MRAP2: variants seen among roughly 807,000 people sequenced by gnomAD.
The protein encoded by MRAP2 is melanocortin 2 receptor accessory protein 2, also known as melanocortin-2 receptor accessory protein 2.
A neutral mutation model predicts 17.4 loss-of-function variants in MRAP2; 20 were observed. That is an observed-to-expected ratio of 1.15 (90% CI 0.81 to 1.67). MRAP2 has a LOEUF of 1.67. Ranked by LOEUF, MRAP2 falls within the 40% of genes most tolerant of loss-of-function variation. MRAP2 has a pLI of 0.00. For synonymous variants in MRAP2, 96 were observed against 88.4 expected (o/e 1.09, Z -0.48); for missense variants, 238 against 240.0 (o/e 0.99, Z 0.05).
At position 84,090,182 on chromosome 6, in the gene MRAP2, A is replaced by G. The variant is rs1266782381; in HGVS notation, c.*701A>G. The G allele has an allele frequency of 2.0e-5, 3 of 152,350 alleles. No homozygotes were observed. Among genetic ancestry groups the G allele is most frequent in the Non-Finnish European group, 2.9e-5 (2 of 68,164 alleles). 9.4% of individuals were successfully genotyped at this position (152,350 alleles called of 1,614,324 possible). ...CTTTGCCTTCAGATGAGGCTGAGCT[A>G]TACATAAAACAGTATAAACTAGGGT... On this transcript the variant is annotated 3_prime_UTR_variant, in exon 4 of 4. Transcript: ENST00000257776.
chr6:84,114,411 G>A, the MRAP2 span, among the ~76,000 whole-genome samples: 2 of 152,104 alleles, frequency 1.3e-5, no homozygotes, highest in East Asian at 1.9e-4. Flanking sequence ...TTCTCATGTT[G>A]TGTTTTTCAG....
In MRAP2 at chr6:84,047,317, A is replaced by G. The variant is rs191204689; in HGVS notation, c.-7-7995A>G. Among the ~76,000 whole-genome samples, 17 of 152,038 alleles carry G rather than the reference A, an allele frequency of 1.1e-4. No individual in the cohort carries two copies. The East Asian group carries it at 2.3e-3, about 21-fold the overall frequency. On this transcript the variant is annotated intron_variant, in intron 1 of 3. Coordinates refer to ENST00000257776, the MANE Select transcript of MRAP2 (RefSeq NM_138409.4). ...GCAATTCTTGTGCCTCAGCCTTTCA[A>G]GTAGCTAGGATTACAGGCATGCACC...
At chr6:84,048,708 G>C (rs536335236) in intron 1 of MRAP2, among the ~76,000 whole-genome samples, 1 of 152,248 alleles carries the variant, frequency 6.6e-6, no homozygotes, top group Admixed American at 6.5e-5. Flanking sequence ...CTGTTTTGTC[G>C]TATTATTATA....
At chr6:84,088,978 C>A in intron 3 of MRAP2, 113 bp from the exon 4 acceptor site, 1 of 1,193,910 alleles carries the variant, frequency 8.4e-7, no homozygotes, top group Non-Finnish European at 1.2e-6. Flanking sequence ...GGGGCTTACA[C>A]TCAATAGGTG....
At chr6:84,080,911 G>A (rs188187002) in intron 3 of MRAP2, among the ~76,000 whole-genome samples, 34 of 152,232 alleles carry the variant, frequency 2.2e-4, no homozygotes, top group African/African-American at 6.5e-4. Context: ...TTCTTATTTT[G>A]TATATATGGG....
chr6:84,128,489 C>T, the MRAP2 span, among the ~76,000 whole-genome samples: 1 of 152,036 alleles, frequency 6.6e-6, no homozygotes, highest in Non-Finnish European at 1.5e-5. Flanking sequence ...GAGCCTGAGA[C>T]CTAGAGTCAG....
At chr6:84,056,538 C>T (rs1588633821) in intron 2 of MRAP2, among the ~76,000 whole-genome samples, 1 of 152,316 alleles carries the variant, frequency 6.6e-6, no homozygotes, top group East Asian at 1.9e-4. Flanking sequence ...AAAAAAAGCA[C>T]ATGGCATTTA....
At chr6:84,124,946 C>T in the MRAP2 span, 5 of 736,724 alleles carry the variant, frequency 6.8e-6, no homozygotes, top group Non-Finnish European at 1.1e-5. Flanking sequence ...TGAAATGTTG[C>T]TTTGGTTGTT....
intron 3 of MRAP2, among the ~76,000 whole-genome samples, chr6:84,079,737 T>A (rs1408872844): frequency 6.6e-6 from 1 of 152,056 alleles, no homozygotes; most frequent in Non-Finnish European, 1.5e-5. Flanking sequence ...TTCTAGGAGG[T>A]AAAGGAAGAT....
At chr6:84,037,927 C>T (rs1335886387) in intron 1 of MRAP2, among the ~76,000 whole-genome samples, 1 of 152,202 alleles carries the variant, frequency 6.6e-6, no homozygotes, top group African/African-American at 2.4e-5. Flanking sequence ...TCAAGCATGG[C>T]CGGAGCAGAC....
the MRAP2 span, among the ~76,000 whole-genome samples, chr6:84,109,303 A>G: frequency 6.6e-6 from 1 of 152,176 alleles, no homozygotes; most frequent in African/African-American, 2.4e-5. Context: ...CCTATCCGTG[A>G]GCATTGAATG....
the MRAP2 span, among the ~76,000 whole-genome samples, chr6:84,114,346 T>G: frequency 6.6e-6 from 1 of 152,116 alleles, no homozygotes; most frequent in East Asian, 1.9e-4. Context: ...ATCTCTGATG[T>G]CCTTTCTTCC....
intron 1 of MRAP2, among the ~76,000 whole-genome samples, chr6:84,040,997 A>G (rs762277500): frequency 2.0e-5 from 3 of 152,214 alleles, no homozygotes; most frequent in Non-Finnish European, 4.4e-5. Context: ...AGACCTTTGT[A>G]GCAGCTCCTC....
the MRAP2 span, among the ~76,000 whole-genome samples, chr6:84,115,745 G>A: frequency 6.6e-6 from 1 of 152,220 alleles, no homozygotes; most frequent in South Asian, 2.1e-4. Flanking sequence ...TGCAGGTCGT[G>A]AAGACCATGG....
At chr6:84,092,175 A>G (rs1168287576), downstream of MRAP2, among the ~76,000 whole-genome samples, 1 of 152,112 alleles carries the variant, frequency 6.6e-6, no homozygotes, top group East Asian at 1.9e-4. Flanking sequence ...TTGTGATTAC[A>G]TTGGGTTACC....
rs139223019 is a variant in MRAP2 at position 84,068,325 on chromosome 6, C to A, written c.227+5333C>A. ...AGTTTGAAACCAGATAGTATGATCC[C>A]TCCAGATTTGTTCTTTTTGCTTAGT... On this transcript the variant is annotated intron_variant, in intron 3 of 3. Coordinates refer to ENST00000257776, the MANE Select transcript of MRAP2 (RefSeq NM_138409.4). Among the ~76,000 whole-genome samples, 3 of 152,212 alleles carry A rather than the reference C, an allele frequency of 2.0e-5. No homozygotes were observed. In the East Asian group the frequency reaches 5.8e-4, roughly 29 times the overall value.
At chr6:84,104,328 C>T in the MRAP2 span, among the ~76,000 whole-genome samples, 873 of 152,278 alleles carry the variant, frequency 5.7e-3, 12 homozygotes, top group African/African-American at 0.019. Context: ...ATGGAAGGGG[C>T]TGTCATGAAG....
chr6:84,143,866 A>G, the MRAP2 span, among the ~76,000 whole-genome samples: 6 of 151,952 alleles, frequency 3.9e-5, no homozygotes, highest in Admixed American at 6.6e-5. Flanking sequence ...GAAAGCAAAG[A>G]TTTTGTGTTT....
At chr6:84,125,478 C>T in the MRAP2 span, among the ~76,000 whole-genome samples, 1 of 152,058 alleles carries the variant, frequency 6.6e-6, no homozygotes, top group Admixed American at 6.6e-5. Flanking sequence ...GTGTCCCCCT[C>T]AAATTCATAT....
Sources: allele counts gnomAD v4.1 joint callset (sites outside exome capture counted in the v4.1 genomes callset), GRCh38; gene constraint gnomAD v4.1.1; transcripts MANE v1.5; gene names NCBI Gene and HGNC (gene_info 2026-07-23, HGNC 2026-07-21).